AGBL4: variants seen among roughly 807,000 people sequenced by gnomAD.
The protein encoded by AGBL4 is cytosolic carboxypeptidase 6.
A neutral mutation model predicts 66.4 loss-of-function variants in AGBL4; 58 were observed. That is an observed-to-expected ratio of 0.87 (90% CI 0.71 to 1.09). The LOEUF (loss-of-function observed/expected upper bound fraction) is 1.09. Ranked by LOEUF, AGBL4 falls within the 50% of genes least tolerant of loss-of-function variation. The probability of loss-of-function intolerance (pLI) is 0.00; values close to 1 mark genes in which losing one functional copy is unlikely to be tolerated. For missense variants in AGBL4, 579 were observed against 631.0 expected (o/e 0.92, Z 0.88); for synonymous variants, 234 against 222.9 (o/e 1.05, Z -0.44).
At chr1:49,214,743 G>T (rs1648949080) in intron 4 of AGBL4, among the ~76,000 whole-genome samples, 1 of 152,120 alleles carries the variant, frequency 6.6e-6, no homozygotes. Flanking sequence ...CTGGTAGACT[G>T]AGACTAGTAA....
intron 3 of AGBL4, among the ~76,000 whole-genome samples, chr1:49,291,053 T>G (rs1448397360): frequency 1.3e-5 from 2 of 152,166 alleles, no homozygotes; most frequent in Admixed American, 6.5e-5. Context: ...GAGGGTTAAC[T>G]TTTATCTGCA....
chr1:48,798,180 G>A (rs1212165375), intron 6 of AGBL4, among the ~76,000 whole-genome samples: 2 of 152,152 alleles, frequency 1.3e-5, no homozygotes, highest in Non-Finnish European at 2.9e-5. Context: ...TCTTGCAGGA[G>A]TAAGGTGGTA....
chr1:49,480,602 G>C lies in AGBL4; in HGVS notation c.282+216711C>G, dbSNP rs373834330. On this transcript the variant is annotated intron_variant, in intron 3 of 13. Transcript: ENST00000371839. ...ATTTTGTAGATTATCTGTTTCTTCT[G>C]TTGATAGTTTATTTTGCTCTGCAGA... is the stretch of plus-strand genomic sequence containing the variant. Among the ~76,000 whole-genome samples, 18 of 151,812 alleles carry C rather than the reference G, an allele frequency of 1.2e-4. No homozygotes were observed. The East Asian group carries it at 1.7e-3, about 15-fold the overall frequency.
At chr1:49,544,198 G>C (rs867552802) in intron 3 of AGBL4, among the ~76,000 whole-genome samples, 1 of 152,064 alleles carries the variant, frequency 6.6e-6, no homozygotes, top group East Asian at 1.9e-4. Flanking sequence ...TAATTCTCTT[G>C]TTAAATCCTC....
intron 3 of AGBL4, among the ~76,000 whole-genome samples, chr1:49,611,586 C>T (rs1476701013): frequency 1.3e-5 from 2 of 151,916 alleles, no homozygotes; most frequent in African/African-American, 4.8e-5. Flanking sequence ...ACCATGTTAT[C>T]CAGGATGGTC....
intron 3 of AGBL4, among the ~76,000 whole-genome samples, chr1:49,346,023 C>A (rs1015686712): frequency 6.6e-6 from 1 of 152,158 alleles, no homozygotes; most frequent in East Asian, 1.9e-4. Context: ...GATGGAACTT[C>A]GTTCCATCAA....
chr1:48,993,387 T>A (rs1304752368), intron 5 of AGBL4, among the ~76,000 whole-genome samples: 1 of 152,134 alleles, frequency 6.6e-6, no homozygotes, highest in Non-Finnish European at 1.5e-5. Context: ...TGAACTCTTC[T>A]CTCTTCTCCA....
chr1:49,084,754 C>G (rs1033637194), intron 4 of AGBL4, among the ~76,000 whole-genome samples: 1 of 152,132 alleles, frequency 6.6e-6, no homozygotes, highest in Non-Finnish European at 1.5e-5. Context: ...CATTCAGACT[C>G]TTCTCTAGAC....
chr1:49,707,061 TG>T (rs997019081), intron 2 of AGBL4, among the ~76,000 whole-genome samples: 1 of 152,100 alleles, frequency 6.6e-6, no homozygotes, highest in African/African-American at 2.4e-5. Flanking sequence ...CTATTAGGTC[TG>T]CTTGGTCCAC....
chr1:49,090,286 G>C (rs1433296596), intron 4 of AGBL4, among the ~76,000 whole-genome samples: 1 of 152,110 alleles, frequency 6.6e-6, no homozygotes, highest in African/African-American at 2.4e-5. Flanking sequence ...AGAAAGAGAG[G>C]AAGTCAGACT....
At chr1:49,180,506 A>C (rs1272305168) in intron 4 of AGBL4, among the ~76,000 whole-genome samples, 1 of 152,174 alleles carries the variant, frequency 6.6e-6, no homozygotes, top group Non-Finnish European at 1.5e-5. Flanking sequence ...TCTGATAGTA[A>C]GTGGAAAATT....
intron 2 of AGBL4, among the ~76,000 whole-genome samples, chr1:49,812,524 T>C (rs1036107965): frequency 4.6e-5 from 7 of 152,144 alleles, no homozygotes; most frequent in Non-Finnish European, 8.8e-5. Flanking sequence ...TAACAAACAC[T>C]GACATAAAGG....
chr1:49,847,041 G>T (rs1196932814), intron 2 of AGBL4, among the ~76,000 whole-genome samples: 1 of 152,068 alleles, frequency 6.6e-6, no homozygotes, highest in African/African-American at 2.4e-5. Context: ...ATACTACAAG[G>T]CTTTATTAAC....
chr1:48,823,604 C>T (rs1646362239), intron 6 of AGBL4, among the ~76,000 whole-genome samples: 1 of 152,202 alleles, frequency 6.6e-6, no homozygotes, highest in Non-Finnish European at 1.5e-5. Context: ...AAGCTTCCTG[C>T]CCCTTCCTTG....
chr1:49,767,986 A>T (rs939243423), intron 2 of AGBL4, among the ~76,000 whole-genome samples: 18 of 126,598 alleles, frequency 1.4e-4, no homozygotes, highest in East Asian at 4.1e-4. Context: ...AGTATAATTT[A>T]AAAAAAAAAA....
chr1:49,596,239 C>A (rs1644850755), intron 3 of AGBL4, among the ~76,000 whole-genome samples: 1 of 152,180 alleles, frequency 6.6e-6, no homozygotes, highest in Non-Finnish European at 1.5e-5. Context: ...GCAATCTCGG[C>A]TCACTGCAAC....
At chr1:49,435,063 C>T (rs1157985827) in intron 3 of AGBL4, among the ~76,000 whole-genome samples, 1 of 152,110 alleles carries the variant, frequency 6.6e-6, no homozygotes, top group East Asian at 1.9e-4. Context: ...TAGAAAATGC[C>T]TTTCCTGAGT....
At chr1:49,116,264 C>T (rs1569637882) in intron 4 of AGBL4, among the ~76,000 whole-genome samples, 1 of 152,156 alleles carries the variant, frequency 6.6e-6, no homozygotes, top group Admixed American at 6.5e-5. Context: ...TACATGTGCA[C>T]AACGTGCAGG....
At chr1:48,994,996 A>G (rs1205436602) in intron 5 of AGBL4, among the ~76,000 whole-genome samples, 3 of 152,238 alleles carry the variant, frequency 2.0e-5, no homozygotes, top group East Asian at 3.8e-4. Flanking sequence ...AATTTGAGCC[A>G]AAAAAGACAA....
Sources: allele counts gnomAD v4.1 joint callset (sites outside exome capture counted in the v4.1 genomes callset), GRCh38; gene constraint gnomAD v4.1.1; transcripts MANE v1.5; gene names NCBI Gene and HGNC (gene_info 2026-07-23, HGNC 2026-07-21).